Variants in ENTREP2 observed in about 807,000 individuals in gnomAD.
The protein encoded by ENTREP2 is protein ENTREP2.
At chr15:29,268,447 T>TAC in the ENTREP2 span, 1 of 263,518 alleles carries the variant, frequency 3.8e-6, no homozygotes. Flanking sequence ...TGATAATAGC[T>TAC]TTTTTATTTT....
At chr15:29,433,239 A>G in the ENTREP2 span, among the ~76,000 whole-genome samples, 1 of 152,124 alleles carries the variant, frequency 6.6e-6, no homozygotes, top group African/African-American at 2.4e-5. Flanking sequence ...GTCTCAGCCA[A>G]CCTCAGTTCA....
At chr15:29,635,353 G>A in the ENTREP2 span, among the ~76,000 whole-genome samples, 1 of 152,160 alleles carries the variant, frequency 6.6e-6, no homozygotes, top group Admixed American at 6.5e-5. Flanking sequence ...AGTTGCTAAG[G>A]ATTTCAAGAG....
the ENTREP2 span, chr15:29,234,681 C>G: frequency 6.4e-7 from 1 of 1,561,856 alleles, no homozygotes; most frequent in Non-Finnish European, 8.8e-7. Flanking sequence ...GTGTAAGGGT[C>G]ATTGGGTACA....
chr15:29,377,267 T>G, the ENTREP2 span, among the ~76,000 whole-genome samples: 1 of 152,150 alleles, frequency 6.6e-6, no homozygotes, highest in East Asian at 1.9e-4. Flanking sequence ...GCATAAGGTC[T>G]CACACGTCAT....
chr15:29,190,672 CAACTAAAATCAAAGTGCTTT>C, the ENTREP2 span, among the ~76,000 whole-genome samples: 7 of 152,170 alleles, frequency 4.6e-5, no homozygotes, highest in Admixed American at 4.6e-4. Flanking sequence ...AATTCAAACA[CAACTAAAATCAAAGTGCTTT>C]GATTCCCAAG....
the ENTREP2 span, among the ~76,000 whole-genome samples, chr15:29,524,629 C>A: frequency 6.6e-6 from 1 of 152,210 alleles, no homozygotes; most frequent in Non-Finnish European, 1.5e-5. Flanking sequence ...GGCACTCAGC[C>A]GTGCAGGAAC....
At chr15:29,578,238 G>A in the ENTREP2 span, among the ~76,000 whole-genome samples, 1 of 152,206 alleles carries the variant, frequency 6.6e-6, no homozygotes, top group South Asian at 2.1e-4. Flanking sequence ...GTAAAATGCT[G>A]CAGCCAACGT....
the ENTREP2 span, among the ~76,000 whole-genome samples, chr15:29,418,933 A>C: frequency 1.3e-5 from 2 of 152,252 alleles, no homozygotes; most frequent in African/African-American, 4.8e-5. Context: ...ATAGCTTTCC[A>C]ATTCTGAGGG....
At chr15:29,204,491 C>A in the ENTREP2 span, among the ~76,000 whole-genome samples, 1 of 152,046 alleles carries the variant, frequency 6.6e-6, no homozygotes, top group Non-Finnish European at 1.5e-5. Context: ...CACACCAAGG[C>A]CAGTATCCTT....
the ENTREP2 span, among the ~76,000 whole-genome samples, chr15:29,384,505 G>A: frequency 9.9e-5 from 15 of 151,828 alleles, no homozygotes; most frequent in Admixed American, 7.9e-4. Context: ...CAAACAAACC[G>A]CATCACCCTG....
At chr15:29,434,619 C>G in the ENTREP2 span, among the ~76,000 whole-genome samples, 7 of 152,150 alleles carry the variant, frequency 4.6e-5, no homozygotes, top group African/African-American at 1.2e-4. Flanking sequence ...ATCTCACTCT[C>G]GCAGGTTTGA....
chr15:29,155,236 C>A, the ENTREP2 span, among the ~76,000 whole-genome samples: 13 of 149,954 alleles, frequency 8.7e-5, no homozygotes, highest in Admixed American at 7.3e-4. Context: ...GAGCCAAGAT[C>A]GCGCCACTGC....
the ENTREP2 span, chr15:29,265,989 T>C: frequency 6.6e-6 from 1 of 152,198 alleles, no homozygotes. Flanking sequence ...TTATAAACAC[T>C]AATGATCGTA....
chr15:29,367,571 C>T, the ENTREP2 span, among the ~76,000 whole-genome samples: 2 of 152,002 alleles, frequency 1.3e-5, no homozygotes, highest in African/African-American at 4.8e-5. Context: ...TTTGAAACGC[C>T]CCAATATATC....
the ENTREP2 span, among the ~76,000 whole-genome samples, chr15:29,310,448 A>C: frequency 2.0e-5 from 3 of 152,192 alleles, no homozygotes; most frequent in South Asian, 4.1e-4. Context: ...AGGTCCTCAG[A>C]GGGAAGAGCA....
the ENTREP2 span, among the ~76,000 whole-genome samples, chr15:29,506,223 A>C: frequency 6.6e-6 from 1 of 152,170 alleles, no homozygotes; most frequent in Non-Finnish European, 1.5e-5. Flanking sequence ...AAAAGAATGA[A>C]AAGGAGCAAA....
chr15:29,181,873 A>G, the ENTREP2 span, among the ~76,000 whole-genome samples: 1 of 152,166 alleles, frequency 6.6e-6, no homozygotes, highest in South Asian at 2.1e-4. Context: ...AGCAAACATT[A>G]TTCTTAATTA....
the ENTREP2 span, among the ~76,000 whole-genome samples, chr15:29,200,279 G>A: frequency 1.1e-4 from 17 of 152,138 alleles, no homozygotes; most frequent in African/African-American, 3.9e-4. Context: ...GGGTTCAAGC[G>A]ATTCTCATGG....
At chr15:29,310,629 G>A in the ENTREP2 span, among the ~76,000 whole-genome samples, 1,130 of 152,296 alleles carry the variant, frequency 7.4e-3, 6 homozygotes, top group Middle Eastern at 0.027. Flanking sequence ...GGGAAGAATT[G>A]TCCGGGCCAA....
Sources: gnomAD v4.1 joint callset for allele counts (sites outside exome capture counted in the v4.1 genomes callset) on GRCh38, gnomAD v4.1.1 for gene constraint, MANE v1.5 for transcripts, NCBI Gene and HGNC (gene_info 2026-07-23, HGNC 2026-07-21) for gene names.